LMF1: variants seen among roughly 807,000 people sequenced by gnomAD.
LMF1 encodes transmembrane protein 112.
LMF1 carries 68 observed loss-of-function variants against 60.6 expected under a neutral mutation model. That is an observed-to-expected ratio of 1.12 (90% CI 0.92 to 1.37). The LOEUF (loss-of-function observed/expected upper bound fraction) is 1.37. Among genes scored for constraint, LMF1 ranks in the 40% most tolerant of loss-of-function variants. The probability of loss-of-function intolerance (pLI) is 0.00; values close to 1 mark genes in which losing one functional copy is unlikely to be tolerated. For missense variants in LMF1, 948 were observed against 767.2 expected (o/e 1.24, Z -2.78); for synonymous variants, 418 against 324.7 (o/e 1.29, Z -3.09).
chr16:945,940 T>TC (rs1272905455), intron 2 of LMF1, among the ~76,000 whole-genome samples: 4 of 152,006 alleles, frequency 2.6e-5, no homozygotes. Context: ...CAGACTGTTC[T>TC]CCCCCCGGCG....
At chr16:894,386 C>A (rs2070601058) in intron 4 of LMF1, among the ~76,000 whole-genome samples, 2 of 150,764 alleles carry the variant, frequency 1.3e-5, no homozygotes, top group Non-Finnish European at 3.0e-5. Context: ...GGCCATCCGC[C>A]CACCTGTCCC....
intron 1 of LMF1, among the ~76,000 whole-genome samples, chr16:960,264 G>A (rs1175591883): frequency 6.7e-6 from 1 of 149,494 alleles, no homozygotes; most frequent in Non-Finnish European, 1.5e-5. Flanking sequence ...AACTCACAGT[G>A]ACAGCACTGG....
rs552512738 is a variant in LMF1, at chr16:956,526, A to G, written c.194-1860T>C. Among the ~76,000 whole-genome samples, 448 of 152,366 alleles carry G rather than the reference A, an allele frequency of 2.9e-3. 5 individuals are homozygous for G. Among genetic ancestry groups the G allele is most frequent in the African/African-American group, 0.01 (428 of 41,592 alleles). On this transcript the variant is annotated intron_variant, in intron 1 of 10. Coordinates refer to ENST00000262301, the MANE Select transcript of LMF1 (RefSeq NM_022773.4). Reference sequence around the variant, plus strand: ...AAAAATACAAACAAAAGAAAGTGGAAGTGGCTCTATTAACATCATAAAAAG... The same window carrying G: ...AAAAATACAAACAAAAGAAAGTGGAGGTGGCTCTATTAACATCATAAAAAG...
rs373860048 is a variant in LMF1, at chr16:869,860, G to C, written c.1416+23C>G. 3.7e-6 allele frequency: 6 copies of C among 1,602,490 alleles called. No homozygotes were observed. The East Asian group carries it at 1.3e-4, about 36-fold the overall frequency. On this transcript the variant is annotated intron_variant, in intron 9 of 10. Coordinates refer to ENST00000262301, the MANE Select transcript of LMF1 (RefSeq NM_022773.4). ...GGGTGGGGTACAGGCAGGTCCATGC[G>C]CCCGCCAGGGACCGTCCCCCACCTG...
intron 1 of LMF1, among the ~76,000 whole-genome samples, chr16:957,425 C>T (rs1468119100): frequency 6.6e-6 from 1 of 152,030 alleles, no homozygotes; most frequent in African/African-American, 2.4e-5. Context: ...CTACAAAACA[C>T]TGATTAAAAA....
intron 1 of LMF1, chr16:979,335 C>T (rs768727857): frequency 3.1e-5 from 11 of 353,838 alleles, no homozygotes; most frequent in East Asian, 7.5e-5. Context: ...ACCGCCCTCC[C>T]GGGAGTGCAC....
chr16:885,275 C>A (rs2070273608), intron 5 of LMF1, among the ~76,000 whole-genome samples: 1 of 152,070 alleles, frequency 6.6e-6, no homozygotes, highest in African/African-American at 2.4e-5. Context: ...AAAGGAGTCA[C>A]AAAAATATTC....
At chr16:953,964 GCCTCCTACATGTCCACACAGAC>G (rs2151475432) in intron 2 of LMF1, among the ~76,000 whole-genome samples, 1 of 53,890 alleles carries the variant, frequency 1.9e-5, no homozygotes, top group Admixed American at 1.9e-4. Context: ...CCCCAAACCA[GCCTCCTACATGTCCACACAGAC>G]ACCCCAAACC....
In LMF1 at chr16:897,283, C is replaced by T. The variant is rs1447619346; in HGVS notation, c.664-4211G>A. Reference sequence around the variant, plus strand: ...TGGAGACCCCGCTTCTCTCACTTGGCCCCCAGAGGCCGCCATCCACCCTGC... The same window carrying T: ...TGGAGACCCCGCTTCTCTCACTTGGTCCCCAGAGGCCGCCATCCACCCTGC... On this transcript the variant is annotated intron_variant, in intron 4 of 10. Coordinates refer to ENST00000262301, the MANE Select transcript of LMF1 (RefSeq NM_022773.4). The surrounding 1 kb of genome is among the most constrained non-coding windows in gnomAD (Gnocchi z 4.3). Among the ~76,000 whole-genome samples, 1 of 152,216 alleles carries T rather than the reference C, an allele frequency of 6.6e-6. No homozygotes were observed. The highest frequency in any genetic ancestry group is 1.5e-5 in the Non-Finnish European group (1 of 68,034).
intron 3 of LMF1, among the ~76,000 whole-genome samples, chr16:924,209 TAC>T (rs1597004821): frequency 6.6e-6 from 1 of 152,328 alleles, no homozygotes; most frequent in East Asian, 1.9e-4. Context: ...AGGACATGTA[TAC>T]ACAGTGTCTA....
intron 2 of LMF1, among the ~76,000 whole-genome samples, chr16:948,115 G>A (rs1386679298): frequency 1.4e-5 from 2 of 145,688 alleles, no homozygotes; most frequent in African/African-American, 2.6e-5. Flanking sequence ...GTCAGCCAAC[G>A]ACAGTCAGCC....
chr16:878,275 G>A lies in LMF1; in HGVS notation c.897+1295C>T, dbSNP rs1055339486. On this transcript the variant is annotated intron_variant, in intron 6 of 10. Coordinates refer to ENST00000262301, the MANE Select transcript of LMF1 (RefSeq NM_022773.4). This position sits in a 1 kb window ranked among gnomAD's most constrained non-coding sequence, Gnocchi z 5.2. ...CGTTCTTCCCACTTAGATTCACGGCGACATCGATGCCCACAGGGAAATCAC... is the reference window on the plus strand; with the variant it reads ...CGTTCTTCCCACTTAGATTCACGGCAACATCGATGCCCACAGGGAAATCAC... 7.2e-5 allele frequency among the ~76,000 whole-genome samples: 11 copies of A among 152,062 alleles called. No individual in the cohort carries two copies. Among genetic ancestry groups the A allele is most frequent in the African/African-American group, 2.4e-4 (10 of 41,380 alleles).
chr16:866,122 T>C (rs13338480), intron 10 of LMF1, among the ~76,000 whole-genome samples: 17,723 of 152,262 alleles, frequency 0.12, 3,165 homozygotes, highest in African/African-American at 0.38. Context: ...CTGTCGACTG[T>C]CCTTTTTCAC....
rs781503559 is a variant in LMF1 at position 868,952 on chromosome 16, G to T, written c.1521C>A (p.Pro507=). ...CAGGGAGGGCATCCTACCTGGGCGGGGGCCTGCCCGCGAAGGGGTTGTGTG... is the reference window on the plus strand; with the variant it reads ...CAGGGAGGGCATCCTACCTGGGCGGTGGCCTGCCCGCGAAGGGGTTGTGTG... ...LLAHNPFAGR[P]PPRWVRGEHY... is the part of the protein sequence containing the mutation. The change falls in exon 10 of 11, where the codon CCC becomes CCA. Residue 507 remains proline (P), a synonymous_variant. Transcript: ENST00000262301. 1 of 1,608,796 alleles carries T rather than the reference G, an allele frequency of 6.2e-7. No homozygotes were observed. The highest frequency in any genetic ancestry group is 1.1e-5 in the South Asian group (1 of 90,976).
At chr16:971,289 C>T (rs2151499388), upstream of LMF1, among the ~76,000 whole-genome samples, 1 of 152,374 alleles carries the variant, frequency 6.6e-6, no homozygotes, top group Admixed American at 6.5e-5. Context: ...GGCACGCGTG[C>T]CTTCCGTCAG....
intron 5 of LMF1, chr16:884,089 T>A (rs995366598): frequency 6.6e-6 from 1 of 152,278 alleles, no homozygotes; most frequent in African/African-American, 2.4e-5. Context: ...GACCTCCTGA[T>A]AAACACTGTG....
Position 981,282 on chromosome 16 carries a change from C to CTG in LMF1, c.-274_-273dup, listed in dbSNP as rs71142797. The CTG allele has an allele frequency of 8.5e-3, 2,646 of 309,578 alleles. 51 individuals are homozygous for CTG. The highest frequency in any genetic ancestry group is 0.021 in the African/African-American group (490 of 23,342). 19.2% of individuals were successfully genotyped at this position (309,578 alleles called of 1,614,324 possible). A position where few individuals can be genotyped will look rare whatever the true frequency, so the allele number is the denominator to read the frequency against. On this transcript the variant is annotated 5_prime_UTR_variant, in exon 1 of 7. Coordinates refer to the LMF1 transcript ENST00000570014. The stretch of plus-strand genomic sequence containing the variant: ...GGCGAGACCTCAGGCGCGAGACGGG[C>CTG]TGTGTGTGTGTGTGTGTGTGTGAGA...
At chr16:867,381 C>T (rs2069638846) in intron 10 of LMF1, among the ~76,000 whole-genome samples, 1 of 152,218 alleles carries the variant, frequency 6.6e-6, no homozygotes, top group Non-Finnish European at 1.5e-5. Context: ...CCGTCACGAC[C>T]TGACGATGGC....
At chr16:887,704 G>A (rs1386443658) in intron 5 of LMF1, among the ~76,000 whole-genome samples, 1 of 152,190 alleles carries the variant, frequency 6.6e-6, no homozygotes, top group Admixed American at 6.5e-5. Context: ...TAGCCTCCGA[G>A]AGCACCTCAG....
Sources: gnomAD v4.1 joint callset for allele counts (sites outside exome capture counted in the v4.1 genomes callset) on GRCh38, gnomAD v4.1.1 for gene constraint, Gnocchi (gnomAD v3.1) non-coding constraint, MANE v1.5 for transcripts, NCBI Gene and HGNC (gene_info 2026-07-23, HGNC 2026-07-21) for gene names.